PLSCR2: variants seen among roughly 807,000 people sequenced by gnomAD.
PLSCR2 encodes PL scramblase 2.
PLSCR2 carries 18 observed loss-of-function variants against 25.3 expected under a neutral mutation model. That is an observed-to-expected ratio of 0.71 (90% confidence interval 0.49 to 1.06). The LOEUF (loss-of-function observed/expected upper bound fraction) is 1.06, where lower values mean the gene tolerates loss of function less well. PLSCR2 is among the 50% of genes least tolerant of loss of function. PLSCR2 has a pLI of 0.00. For synonymous variants in PLSCR2, 88 were observed against 87.3 expected, an observed-to-expected ratio of 1.01 and a Z score of -0.04; for missense variants, 243 against 269.5, an observed-to-expected ratio of 0.90 and a Z score of 0.69.
chr3:146,463,118 G>T (rs1048564614), upstream of PLSCR2, among the ~76,000 whole-genome samples: 5 of 152,106 alleles, frequency 3.3e-5, no homozygotes, highest in African/African-American at 9.7e-5. Flanking sequence ...TTTTACCAGA[G>T]AACCCACTCT....
chr3:146,439,421 G>A (rs1015394072), downstream of PLSCR2, among the ~76,000 whole-genome samples: 4 of 152,130 alleles, frequency 2.6e-5, no homozygotes, highest in South Asian at 2.1e-4. Context: ...CCAATCAGAC[G>A]TGGATTTGGT....
upstream of PLSCR2, among the ~76,000 whole-genome samples, chr3:146,460,615 A>C (rs1183213355): frequency 6.6e-6 from 1 of 152,170 alleles, no homozygotes; most frequent in Non-Finnish European, 1.5e-5. Flanking sequence ...CAAGGTTTGG[A>C]TCCATTTTTA....
At chr3:146,408,508 CTTGT>C (rs1405127479) in intron 2 of PLSCR2, among the ~76,000 whole-genome samples, 2 of 151,942 alleles carry the variant, frequency 1.3e-5, no homozygotes, top group East Asian at 3.9e-4. Context: ...GCCTGTGTTG[CTTGT>C]TTCTGTTTTT....
At chr3:146,490,008 A>G (rs150352814) in intron 1 of PLSCR2, among the ~76,000 whole-genome samples, 49 of 152,178 alleles carry the variant, frequency 3.2e-4, no homozygotes, top group Non-Finnish European at 6.3e-4. Context: ...ACATTACAGC[A>G]TCTACTCAAG....
At chr3:146,412,018 GC>G (rs2038870014) in intron 2 of PLSCR2, among the ~76,000 whole-genome samples, 1 of 150,854 alleles carries the variant, frequency 6.6e-6, no homozygotes, top group Non-Finnish European at 1.5e-5. Context: ...GGAAGGGGCT[GC>G]CAGTGAAAGA....
chr3:146,430,654 C>T (rs1257851376), downstream of PLSCR2, among the ~76,000 whole-genome samples: 1 of 152,108 alleles, frequency 6.6e-6, no homozygotes, highest in Admixed American at 6.5e-5. Flanking sequence ...TAACTTGATG[C>T]CAGGAGTCCA....
downstream of PLSCR2, among the ~76,000 whole-genome samples, chr3:146,432,230 C>T (rs951825414): frequency 6.6e-6 from 1 of 151,964 alleles, no homozygotes; most frequent in Admixed American, 6.6e-5. Flanking sequence ...TGGGGAGAAC[C>T]CTTTCAAGTT....
At chr3:146,416,355 A>T (rs2039007003) in intron 2 of PLSCR2, 1 of 152,150 alleles carries the variant, frequency 6.6e-6, no homozygotes, top group South Asian at 2.1e-4. Flanking sequence ...AAAAATAAAA[A>T]TTTAAATATA....
At chr3:146,492,345 T>C (rs183047200) in intron 1 of PLSCR2, among the ~76,000 whole-genome samples, 1 of 152,184 alleles carries the variant, frequency 6.6e-6, no homozygotes, top group Admixed American at 6.5e-5. Context: ...CAACGACAGG[T>C]ATACATTCTT....
At chr3:146,476,070 T>C (rs1475592175) in intron 1 of PLSCR2, among the ~76,000 whole-genome samples, 3 of 151,446 alleles carry the variant, frequency 2.0e-5, no homozygotes, top group South Asian at 4.2e-4. Context: ...TTCCCAAAAC[T>C]GTTATATAGC....
chr3:146,489,139 G>T (rs541381886), intron 1 of PLSCR2, among the ~76,000 whole-genome samples: 4 of 152,148 alleles, frequency 2.6e-5, no homozygotes, highest in Admixed American at 2.6e-4. Context: ...ACACAGGGAG[G>T]GGAGCAACAT....
At chr3:146,462,638 G>A (rs951706468), upstream of PLSCR2, among the ~76,000 whole-genome samples, 1 of 151,314 alleles carries the variant, frequency 6.6e-6, no homozygotes, top group Non-Finnish European at 1.5e-5. Context: ...GCTAATTTTT[G>A]TATTTTTTAG....
chr3:146,489,517 G>A (rs1006911645), intron 1 of PLSCR2, among the ~76,000 whole-genome samples: 14 of 152,058 alleles, frequency 9.2e-5, no homozygotes, highest in African/African-American at 3.4e-4. Flanking sequence ...TCCCTCCAGT[G>A]ACTGATTGCT....
At chr3:146,485,350 G>A (rs1167142043) in intron 1 of PLSCR2, among the ~76,000 whole-genome samples, 1 of 151,994 alleles carries the variant, frequency 6.6e-6, no homozygotes, top group African/African-American at 2.4e-5. Flanking sequence ...TAATAATAGT[G>A]GGAGACTTTA....
chr3:146,447,165 C>A (rs866669461), intron 6 of PLSCR2, among the ~76,000 whole-genome samples: 1 of 152,268 alleles, frequency 6.6e-6, no homozygotes. Flanking sequence ...GACTCTAGAG[C>A]CCACTTGATG....
intron 5 of PLSCR2, among the ~76,000 whole-genome samples, chr3:146,451,107 C>CTTTTTT (rs58373001): frequency 1.9e-4 from 15 of 79,498 alleles, no homozygotes; most frequent in African/African-American, 2.4e-4. Flanking sequence ...ATTAAGTTTT[C>CTTTTTT]TTTTTTTTTT....
downstream of PLSCR2, among the ~76,000 whole-genome samples, chr3:146,437,946 T>C (rs1011812076): frequency 2.6e-5 from 4 of 152,232 alleles, no homozygotes; most frequent in African/African-American, 9.6e-5. Context: ...CTGCATTAAA[T>C]GTGTCCCAGA....
At chr3:146,479,794 C>T (rs899370438) in intron 1 of PLSCR2, among the ~76,000 whole-genome samples, 4 of 152,170 alleles carry the variant, frequency 2.6e-5, no homozygotes, top group Non-Finnish European at 5.9e-5. Context: ...TTCTTCTCAG[C>T]ACCACATTGC....
At chr3:146,484,029 G>T (rs372861960) in intron 1 of PLSCR2, among the ~76,000 whole-genome samples, 1 of 151,756 alleles carries the variant, frequency 6.6e-6, no homozygotes, top group South Asian at 2.1e-4. Context: ...ATCTAAAGAA[G>T]CTAAGAACCA....
Sources: gnomAD v4.1 joint callset for allele counts (sites outside exome capture counted in the v4.1 genomes callset) on GRCh38, gnomAD v4.1.1 for gene constraint, MANE v1.5 for transcripts, NCBI Gene and HGNC (gene_info 2026-07-23, HGNC 2026-07-21) for gene names.